Variants in PRRC2C observed in about 807,000 individuals in gnomAD.
PRRC2C encodes the protein protein PRRC2C.
PRRC2C carries 72 observed loss-of-function variants against 317.2 expected under a neutral mutation model. The observed-to-expected ratio is 0.23, with a 90% CI of 0.19 to 0.28. The LOEUF (loss-of-function observed/expected upper bound fraction) is 0.28, where lower values mean the gene tolerates loss of function less well. Among genes scored for constraint, PRRC2C ranks in the 10% least tolerant of loss-of-function variants. The pLI, the probability that PRRC2C is intolerant of heterozygous loss-of-function variation, is 1.00. For synonymous variants in PRRC2C, 1,296 were observed against 1,205.9 expected (o/e 1.07, Z -1.55); for missense variants, 3,074 against 3,459.7 (o/e 0.89, Z 2.80).
chr1:171,518,178 A>G (rs1170787226), intron 6 of PRRC2C, among the ~76,000 whole-genome samples: 1 of 152,246 alleles, frequency 6.6e-6, no homozygotes, highest in African/African-American at 2.4e-5. Flanking sequence ...TTACTTCAAA[A>G]TAATTATTAG....
In PRRC2C at chr1:171,556,680, C is replaced by T. The variant is rs1571988305; in HGVS notation, c.5128-560C>T. On this transcript the variant is annotated intron_variant, in intron 18 of 34. Transcript: ENST00000647382. ...AATTATCTTGGAAAGCTAATGAACA[C>T]AAATATCACGAACCAGTAGATTTTG... Among the ~76,000 whole-genome samples the T allele has an allele frequency of 2.0e-5, 3 of 152,336 alleles. No homozygotes were observed. In the Middle Eastern group the frequency reaches 0.01, roughly 518 times the overall value.
At position 171,575,074 on chromosome 1, in the gene PRRC2C, G is replaced by A. The variant is rs1558034562; in HGVS notation, c.6901G>A (p.Ala2301Thr). 3.1e-6 allele frequency: 5 copies of A among 1,613,868 alleles called. No individual in the cohort carries two copies. Among genetic ancestry groups the A allele is most frequent in the Non-Finnish European group, 3.4e-6 (4 of 1,179,858 alleles). Residue 2301 changes from alanine (A) to threonine (T), a missense_variant, in exon 25 of 35, where the codon GCA (alanine) becomes ACA (threonine). Ala to Thr is a moderately conservative substitution (Grantham distance 58, BLOSUM62 0). This residue lies in a region of PRRC2C where 490 missense variants were observed against 663.1 expected (regional missense o/e 0.74). Transcript: ENST00000647382. Reference protein sequence around the residue: ...STANYNSFSSASMPQIPVASV... With the variant: ...STANYNSFSSTSMPQIPVASV... ...TGCTAATTACAATTCGTTCTCAAGT[G>A]CATCCATGCCCCAGATTCCTGTTGC...
At chr1:171,589,728 C>A in intron 34 of PRRC2C, 123 bp downstream of exon 34, 1 of 544,500 alleles carries the variant, frequency 1.8e-6, no homozygotes. Context: ...ACCAAGCTAA[C>A]TACTTTTATT....
intron 23 of PRRC2C, among the ~76,000 whole-genome samples, chr1:171,570,409 C>T (rs1023932420): frequency 2.0e-4 from 30 of 152,130 alleles, no homozygotes; most frequent in African/African-American, 6.5e-4. Flanking sequence ...GTACAATCAT[C>T]TTGTATCTTG....
rs1342037706 is a variant in PRRC2C, at chr1:171,540,907, C to T, written c.3441C>T (p.Asp1147=). 8 of 1,613,640 alleles carry T rather than the reference C, an allele frequency of 5.0e-6. 1 individual carries two copies. In the South Asian group the frequency reaches 8.8e-5, roughly 18 times the overall value. Residue 1147 remains aspartate, a synonymous_variant, in exon 16 of 35, where the codon GAC becomes GAT. Transcript: ENST00000647382. ...AACCTGAGAAAGTCATCAGCAAAGA[C>T]CTTGTTATAGAGAGGCCTCGACCAG... ...EKQPEKVISK[D]LVIERPRPDS...
chr1:171,572,415 C>G (rs1399295051), intron 24 of PRRC2C, among the ~76,000 whole-genome samples: 1 of 152,178 alleles, frequency 6.6e-6, no homozygotes, highest in Non-Finnish European at 1.5e-5. Flanking sequence ...CTTTGATGAT[C>G]TTCAGTTGGG....
chr1:171,535,100 A>G (rs1360432526), intron 12 of PRRC2C, among the ~76,000 whole-genome samples: 1 of 152,208 alleles, frequency 6.6e-6, no homozygotes, highest in Admixed American at 6.5e-5. Context: ...ACTGACAATT[A>G]CATTGATGTT....
chr1:171,515,145 A>G (rs766901027), intron 4 of PRRC2C, among the ~76,000 whole-genome samples: 4 of 152,246 alleles, frequency 2.6e-5, no homozygotes, highest in Non-Finnish European at 5.9e-5. Context: ...CGAAACAGGA[A>G]CTGTCTATAA....
intron 4 of PRRC2C, 149 bp downstream of exon 4, chr1:171,514,794 C>T (rs1672032516): frequency 4.4e-6 from 3 of 688,322 alleles, no homozygotes; most frequent in South Asian, 4.5e-5. Context: ...TTTAAAAAAT[C>T]TCTTGGGCTA....
chr1:171,583,583 A>G (rs1286063024), intron 28 of PRRC2C, among the ~76,000 whole-genome samples: 1 of 152,256 alleles, frequency 6.6e-6, no homozygotes, highest in East Asian at 1.9e-4. Context: ...CAGAAAATGT[A>G]TAGTAAATAC....
At chr1:171,587,981 TA>T (rs901739241) in intron 32 of PRRC2C, among the ~76,000 whole-genome samples, 3 of 152,184 alleles carry the variant, frequency 2.0e-5, no homozygotes, top group African/African-American at 7.2e-5. Context: ...TTTTTTCTTT[TA>T]TTTTTTTTGA....
rs1259324541 is a variant in PRRC2C at position 171,517,744 on chromosome 1, C to T, written c.680C>T (p.Pro227Leu). 1.9e-6 allele frequency: 3 copies of T among 1,613,650 alleles called. No individual in the cohort carries two copies. The highest frequency in any genetic ancestry group is 4.5e-5 in the East Asian group (2 of 44,890). Reference sequence around the variant, plus strand: ...GTGGAAAAGAGGATAGCTTGTGGTCCTCCACAGGCTAAACTGAATGGACAG... The same window carrying T: ...GTGGAAAAGAGGATAGCTTGTGGTCTTCCACAGGCTAAACTGAATGGACAG... ...KVVEKRIACGPPQAKLNGQQA... is the reference protein window; with the variant it reads ...KVVEKRIACGLPQAKLNGQQA... Residue 227 changes from proline to leucine, a missense_variant, in exon 6 of 35, where the codon CCT becomes CTT. Physicochemically the swap from Pro to Leu is moderately conservative, Grantham distance 98. Around this residue, in one of 11 missense-constraint regions of PRRC2C, gnomAD observed 237 missense variants for 199.5 expected, o/e 1.19. Transcript: ENST00000647382.
chr1:171,590,677 T>G (rs1042733895), intron 34 of PRRC2C, among the ~76,000 whole-genome samples: 2 of 152,220 alleles, frequency 1.3e-5, no homozygotes, highest in Non-Finnish European at 2.9e-5. Flanking sequence ...TATTAAATAA[T>G]TATCTACTTT....
intron 25 of PRRC2C, among the ~76,000 whole-genome samples, chr1:171,576,996 CT>C (rs1171661205): frequency 6.6e-6 from 1 of 152,208 alleles, no homozygotes; most frequent in Non-Finnish European, 1.5e-5. Context: ...CAGTTGAGAT[CT>C]TTCAAGGCCC....
In PRRC2C at chr1:171,587,113, T is replaced by C. The variant is rs755369319; in HGVS notation, c.7860T>C (p.Thr2620=). 2 of 1,611,636 alleles carry C rather than the reference T, an allele frequency of 1.2e-6. No homozygotes were observed. The highest frequency in any genetic ancestry group is 1.7e-6 in the Non-Finnish European group (2 of 1,179,054). ...QTLQPPLQHT[T]PQAQAQSLSR... is the part of the protein sequence containing the mutation. ...TTCAGCCCCCATTACAGCATACCAC[T>C]CCCCAAGCACAGGCTCAGAGTCTGA... Residue 2620 remains threonine (T), a synonymous_variant, in exon 31 of 35, where the codon ACT becomes ACC. Coordinates refer to ENST00000647382, the MANE Select transcript of PRRC2C (RefSeq NM_001387844.1).
intron 16 of PRRC2C, among the ~76,000 whole-genome samples, chr1:171,542,764 T>TTTG (rs553516697): frequency 6.6e-5 from 10 of 152,104 alleles, no homozygotes; most frequent in Non-Finnish European, 1.3e-4. Context: ...TGGCCTGTTT[T>TTTG]TTGTTGTTGT....
rs769823501 is a variant in PRRC2C at position 171,542,010 on chromosome 1, A to G, written c.4544A>G (p.Glu1515Gly). Reference protein sequence around the residue: ...SDFNERRERDEKKNADLNAQT... With the variant: ...SDFNERRERDGKKNADLNAQT... ...TTCAATGAGAGGCGAGAGAGGGATG[A>G]AAAAAAAAATGCTGACTTGAATGCA... The change falls in exon 16 of 35, where the codon GAA (glutamate) becomes GGA (glycine). Residue 1515 changes from glutamate to glycine, a missense_variant. By Grantham distance (98) the Glu-to-Gly change is moderately conservative. This residue lies in a region of PRRC2C where 178 missense variants were observed against 163.0 expected (regional missense o/e 1.09). Transcript: ENST00000647382. 1.3e-6 allele frequency: 2 copies of G among 1,550,924 alleles called. No individual in the cohort carries two copies. The highest frequency in any genetic ancestry group is 4.6e-5 in the East Asian group (2 of 43,846).
chr1:171,566,972 G>A, intron 22 of PRRC2C, 129 bp downstream of exon 22: 1 of 1,061,898 alleles, frequency 9.4e-7, no homozygotes. Context: ...TTTCCGCAAA[G>A]AAGATTTTGT....
Position 171,545,498 on chromosome 1 carries a change from G to T in PRRC2C, c.4783G>T (p.Ala1595Ser), listed in dbSNP as rs748738973. ...GKRGPFDDQP[A>S]GTTGVDLING... is the part of the protein sequence containing the mutation. ...TTGTAGGCCATTTGATGACCAGCCT[G>T]CAGGCACAACTGGGGTTGACCTCAT... Residue 1595 changes from alanine to serine, a missense_variant, in exon 17 of 35, where the codon GCA becomes TCA. Coordinates refer to ENST00000647382, the MANE Select transcript of PRRC2C (RefSeq NM_001387844.1). The T allele has an allele frequency of 1.3e-6, 2 of 1,571,970 alleles. No individual in the cohort carries two copies. Among genetic ancestry groups the T allele is most frequent in the East Asian group, 2.3e-5 (1 of 42,686 alleles).
Sources: gnomAD v4.1 joint callset for allele counts (sites outside exome capture counted in the v4.1 genomes callset) on GRCh38, gnomAD v4.1.1 for gene constraint, gnomAD v4.1.1 regional missense constraint, MANE v1.5 for transcripts, NCBI Gene and HGNC (gene_info 2026-07-23, HGNC 2026-07-21) for gene names.